Variants in ANO10 observed in about 807,000 individuals in gnomAD.
The protein encoded by ANO10 is anoctamin 10.
ANO10 carries 77 observed loss-of-function variants against 74.7 expected under a neutral mutation model. The ratio of observed to expected loss-of-function variants is 1.03; its 90% confidence interval spans 0.86 to 1.25. ANO10 has a LOEUF of 1.25. Ranked by LOEUF, ANO10 falls within the 50% of genes most tolerant of loss-of-function variation. ANO10 has a pLI of 0.00. For missense variants in ANO10, 721 were observed against 778.1 expected, an observed-to-expected ratio of 0.93 and a Z score of 0.87; for synonymous variants, 279 against 284.9, an observed-to-expected ratio of 0.98 and a Z score of 0.21.
intron 1 of ANO10, among the ~76,000 whole-genome samples, chr3:43,669,500 C>T (rs996916570): frequency 6.6e-6 from 1 of 152,124 alleles, no homozygotes; most frequent in Non-Finnish European, 1.5e-5. Context: ...GAGGTTTCTG[C>T]TCCTAGGTTT....
intron 7 of ANO10, among the ~76,000 whole-genome samples, chr3:43,567,184 G>A (rs987009468): frequency 5.3e-5 from 8 of 152,152 alleles, no homozygotes; most frequent in Non-Finnish European, 1.2e-4. Context: ...GGGACTATGT[G>A]AAAAGACCAA....
intron 11 of ANO10, among the ~76,000 whole-genome samples, chr3:43,498,434 T>G (rs1289331041): frequency 6.6e-6 from 1 of 152,212 alleles, no homozygotes; most frequent in African/African-American, 2.4e-5. Flanking sequence ...GGACAATCCC[T>G]GATGGCAGTG....
chr3:43,533,016 CAAT>C (rs2078542426), intron 11 of ANO10, among the ~76,000 whole-genome samples: 2 of 152,226 alleles, frequency 1.3e-5, no homozygotes, highest in South Asian at 4.1e-4. Flanking sequence ...AGGAGAAGCT[CAAT>C]AATACCTCCC....
chr3:43,551,395 T>C (rs2079450940), intron 10 of ANO10: 1 of 394,958 alleles, frequency 2.5e-6, no homozygotes, highest in Non-Finnish European at 5.0e-6. Context: ...ATCACCTATA[T>C]TGAGTTATAA....
At chr3:43,623,053 A>G (rs1169709063), upstream of ANO10, among the ~76,000 whole-genome samples, 1 of 152,076 alleles carries the variant, frequency 6.6e-6, no homozygotes, top group Non-Finnish European at 1.5e-5. Flanking sequence ...TTTTGTAGAG[A>G]CAGGGTTTCA....
At chr3:43,417,064 G>A (rs573681616) in intron 12 of ANO10, among the ~76,000 whole-genome samples, 141 of 152,310 alleles carry the variant, frequency 9.3e-4, no homozygotes, top group Middle Eastern at 3.4e-3. Context: ...GAGTTAAGAA[G>A]AAATTACTTA....
At chr3:43,436,967 CA>C (rs935268114) in intron 11 of ANO10, among the ~76,000 whole-genome samples, 3 of 152,158 alleles carry the variant, frequency 2.0e-5, no homozygotes, top group African/African-American at 7.2e-5. Flanking sequence ...ATTCAGATGG[CA>C]GCCACGACTG....
chr3:43,604,543 T>A (rs1403646020), intron 2 of ANO10, among the ~76,000 whole-genome samples: 1 of 152,076 alleles, frequency 6.6e-6, no homozygotes, highest in Non-Finnish European at 1.5e-5. Context: ...GTCTTTTATA[T>A]ATTTTTTAAC....
chr3:43,507,996 A>C (rs979888510), intron 11 of ANO10, among the ~76,000 whole-genome samples: 4 of 152,190 alleles, frequency 2.6e-5, no homozygotes, highest in Admixed American at 2.6e-4. Context: ...AGAACACTGA[A>C]ATAAAGTATA....
At chr3:43,465,053 A>G (rs1045704030) in intron 11 of ANO10, among the ~76,000 whole-genome samples, 14 of 152,246 alleles carry the variant, frequency 9.2e-5, no homozygotes, top group Non-Finnish European at 1.8e-4. Context: ...ATAAATGAAG[A>G]AGATAATTTG....
intron 11 of ANO10, among the ~76,000 whole-genome samples, chr3:43,434,251 G>T (rs1048113618): frequency 6.6e-6 from 1 of 152,218 alleles, no homozygotes; most frequent in Admixed American, 6.5e-5. Flanking sequence ...GACACTGGAA[G>T]ATACTGATTA....
intron 11 of ANO10, among the ~76,000 whole-genome samples, chr3:43,544,906 T>A (rs1057314876): frequency 6.6e-6 from 1 of 152,116 alleles, no homozygotes; most frequent in Admixed American, 6.5e-5. Flanking sequence ...CATCCAATTT[T>A]AAATTTTGAG....
intron 5 of ANO10, among the ~76,000 whole-genome samples, chr3:43,578,720 G>A (rs940154105): frequency 6.3e-5 from 8 of 127,338 alleles, no homozygotes; most frequent in East Asian, 2.5e-4. Flanking sequence ...ATTGCACTCC[G>A]GCATGGGCCA....
intron 7 of ANO10, among the ~76,000 whole-genome samples, chr3:43,567,224 G>A (rs1374231867): frequency 2.0e-5 from 3 of 152,294 alleles, no homozygotes; most frequent in East Asian, 3.9e-4. Context: ...ACCTAAAAGT[G>A]ATGGGGAGAA....
intron 1 of ANO10, among the ~76,000 whole-genome samples, chr3:43,663,041 AT>A (rs1264857516): frequency 6.6e-6 from 1 of 152,230 alleles, no homozygotes; most frequent in African/African-American, 2.4e-5. Context: ...AACTCATTTT[AT>A]GAGGCCAGCA....
intron 1 of ANO10, among the ~76,000 whole-genome samples, chr3:43,637,136 C>G (rs944518958): frequency 1.3e-5 from 2 of 152,174 alleles, no homozygotes; most frequent in Non-Finnish European, 2.9e-5. Context: ...CACCACTGCA[C>G]TCCAGCCTGG....
At chr3:43,512,156 A>G (rs2077533314) in intron 11 of ANO10, among the ~76,000 whole-genome samples, 1 of 152,156 alleles carries the variant, frequency 6.6e-6, no homozygotes, top group Admixed American at 6.5e-5. Flanking sequence ...GCATGATTCT[A>G]TCATATTTAG....
At chr3:43,382,671 T>C (rs1319965754) in intron 12 of ANO10, among the ~76,000 whole-genome samples, 1 of 152,160 alleles carries the variant, frequency 6.6e-6, no homozygotes, top group African/African-American at 2.4e-5. Context: ...CAAATAAGCT[T>C]AATTAGAAAC....
At chr3:43,549,871 T>C in intron 10 of ANO10, 23 bp from the exon 11 acceptor site, 1 of 1,613,006 alleles carries the variant, frequency 6.2e-7, no homozygotes, top group Non-Finnish European at 8.5e-7. Context: ...AGAATGGAAA[T>C]TAAAAATTGC....
Sources: allele counts gnomAD v4.1 joint callset (sites outside exome capture counted in the v4.1 genomes callset), GRCh38; gene constraint gnomAD v4.1.1; transcripts MANE v1.5; gene names NCBI Gene and HGNC (gene_info 2026-07-23, HGNC 2026-07-21).